MTMR10: variants seen among roughly 807,000 people sequenced by gnomAD.
The protein encoded by MTMR10 is myotubularin-related protein 10.
MTMR10 carries 56 observed loss-of-function variants against 88.1 expected under a neutral mutation model. That is an observed-to-expected ratio of 0.64 (90% CI 0.51 to 0.79). The LOEUF is 0.79. Among genes scored for constraint, MTMR10 ranks in the 30% least tolerant of loss-of-function variants. The pLI is 0.00. For synonymous variants in MTMR10, 380 were observed against 340.9 expected (o/e 1.11, Z -1.26); for missense variants, 883 against 924.7 (o/e 0.95, Z 0.58).
the MTMR10 span, chr15:30,927,164 G>T: frequency 1.1e-6 from 1 of 946,822 alleles, no homozygotes; most frequent in Non-Finnish European, 1.3e-6. Context: ...AGCCAAGATT[G>T]TGCCACTGCA....
chr15:30,943,610 C>T (rs1244201415), intron 14 of MTMR10: 12 of 985,306 alleles, frequency 1.2e-5, no homozygotes, highest in African/African-American at 1.7e-5. Flanking sequence ...GATCAACTCC[C>T]TGTGGTCCTA....
Position 30,941,706 on chromosome 15 carries a change from G to A in MTMR10, c.2098C>T (p.Arg700Cys), listed in dbSNP as rs370090920. 80 of 1,613,732 alleles carry A rather than the reference G, an allele frequency of 5.0e-5. No homozygotes were observed. The highest frequency in any genetic ancestry group is 1.5e-4 in the Admixed American group (9 of 59,972). Residue 700 changes from arginine to cysteine, a missense_variant, in exon 16 of 16, where the codon CGC (arginine) becomes TGC (cysteine). Coordinates refer to ENST00000435680, the MANE Select transcript of MTMR10 (RefSeq NM_017762.3). ...TAGCAGGCCTCCAGGGGGCCACTGC[G>A]CTGTTGCCGCAGCATCCTGCTCAGT... ...DVLSRMLRQQ[R>C]SGPLEACYGE... is the part of the protein sequence containing the mutation.
chr15:30,955,981 C>A (rs950764), intron 9 of MTMR10, among the ~76,000 whole-genome samples: 80,141 of 121,752 alleles, frequency 0.66, 22,246 homozygotes, highest in East Asian at 0.89. Flanking sequence ...TTTAAAAAAA[C>A]AAAACAAAAC....
intron 5 of MTMR10, 136 bp downstream of exon 5, chr15:30,974,178 G>A: frequency 1.2e-6 from 1 of 842,756 alleles, no homozygotes; most frequent in Non-Finnish European, 1.6e-6. Context: ...TCTTGGCTTT[G>A]ACTTTACTTA....
rs969089990 is a variant in MTMR10 at position 30,970,889 on chromosome 15, C to T, written c.475-2879G>A. 5.3e-5 allele frequency among the ~76,000 whole-genome samples: 8 copies of T among 152,136 alleles called. No individual in the cohort carries two copies. The East Asian group carries it at 1.3e-3, about 26-fold the overall frequency. On this transcript the variant is annotated intron_variant, in intron 5 of 15. Coordinates refer to ENST00000435680, the MANE Select transcript of MTMR10 (RefSeq NM_017762.3). The stretch of plus-strand genomic sequence containing the variant: ...GTAAAACTGCAAGTCAGTTGAATTA[C>T]TCGTTGATTTTTTTGGGGTGGCAGA...
intron 5 of MTMR10, 122 bp downstream of exon 5, chr15:30,974,192 A>T: frequency 2.1e-6 from 2 of 940,116 alleles, no homozygotes; most frequent in Non-Finnish European, 1.4e-6. Flanking sequence ...TTACTTAAGA[A>T]GATGTCTGAT....
chr15:30,925,237 G>A, the MTMR10 span: 3 of 1,614,130 alleles, frequency 1.9e-6, no homozygotes, highest in Non-Finnish European at 2.5e-6. Context: ...GCTGTAAAAA[G>A]TTCAAGCACC....
chr15:30,991,534 C>A lies in MTMR10; in HGVS notation c.-28G>T, dbSNP rs1372584585. 2.0e-6 allele frequency: 3 copies of A among 1,534,926 alleles called. No homozygotes were observed. Among genetic ancestry groups the A allele is most frequent in the Admixed American group, 2.3e-5 (1 of 43,556 alleles). On this transcript the variant is annotated 5_prime_UTR_variant, in exon 1 of 16. Transcript: ENST00000435680. ...TGCCGCCGCCTTTTCGCCCCGTTCC[C>A]GTCGCGGGCCAGTGGCAGCGCCGAC...
At chr15:30,944,905 A>G (rs377705008) in intron 14 of MTMR10, among the ~76,000 whole-genome samples, 1 of 151,554 alleles carries the variant, frequency 6.6e-6, no homozygotes, top group Non-Finnish European at 1.5e-5. Context: ...CTAGCTACTC[A>G]GGTGGTTGAG....
At position 30,947,119 on chromosome 15, in the gene MTMR10, G is replaced by C. The variant is rs2063182421; in HGVS notation, c.1548+11C>G. On this transcript the variant is annotated intron_variant, in intron 14 of 15. Transcript: ENST00000435680. ...CAGGGAAAACGTAGCCACAGCCACA[G>C]GGTTGCTTACCGTGCTTTGCTTCAC... 3 of 1,590,758 alleles carry C rather than the reference G, an allele frequency of 1.9e-6. No homozygotes were observed. The highest frequency in any genetic ancestry group is 4.5e-5 in the East Asian group (2 of 44,446).
chr15:30,974,294 A>G lies in MTMR10; in HGVS notation c.474+20T>C. 3 of 1,555,066 alleles carry G rather than the reference A, an allele frequency of 1.9e-6. No individual in the cohort carries two copies. Among genetic ancestry groups the G allele is most frequent in the Non-Finnish European group, 2.6e-6 (3 of 1,148,332 alleles). On this transcript the variant is annotated intron_variant, in intron 5 of 15. Coordinates refer to ENST00000435680, the MANE Select transcript of MTMR10 (RefSeq NM_017762.3). ...AACACAGTACAGAACCCAGAACTTG[A>G]TAAACCTTAACAGTATTACCTTTTT...
At chr15:30,920,209 CTTTA>C in the MTMR10 span, among the ~76,000 whole-genome samples, 734 of 152,322 alleles carry the variant, frequency 4.8e-3, 7 homozygotes, top group African/African-American at 0.017. Flanking sequence ...GTATTATTCT[CTTTA>C]TTTATTAACA....
chr15:30,955,991 C>A, intron 9 of MTMR10, among the ~76,000 whole-genome samples: 1 of 98,508 alleles, frequency 1.0e-5, no homozygotes. Context: ...CAAAACAAAA[C>A]CCTGCTGTTG....
At chr15:30,957,036 G>A (rs1163843669) in intron 9 of MTMR10, among the ~76,000 whole-genome samples, 1 of 152,136 alleles carries the variant, frequency 6.6e-6, no homozygotes, top group Non-Finnish European at 1.5e-5. Context: ...ATTTGCTTCA[G>A]TGAATATGGC....
At chr15:30,955,274 CTTCT>C (rs373882322) in intron 9 of MTMR10, among the ~76,000 whole-genome samples, 73 of 152,274 alleles carry the variant, frequency 4.8e-4, no homozygotes, top group African/African-American at 1.7e-3. Context: ...AGATCATTTC[CTTCT>C]TTTTCTTTTT....
chr15:30,921,891 G>A, the MTMR10 span, among the ~76,000 whole-genome samples: 1 of 152,296 alleles, frequency 6.6e-6, no homozygotes, highest in East Asian at 1.9e-4. Flanking sequence ...AAGTATGTGG[G>A]TTTGCCAACT....
chr15:30,930,762 G>A, the MTMR10 span: 1 of 1,492,926 alleles, frequency 6.7e-7, no homozygotes, highest in African/African-American at 1.4e-5. Context: ...GTGGCTGTTG[G>A]CAAGATTGAA....
intron 14 of MTMR10, chr15:30,946,286 TCA>T (rs1595910387): frequency 6.4e-6 from 1 of 156,178 alleles, no homozygotes; most frequent in Non-Finnish European, 1.4e-5. Context: ...GCATAATGAT[TCA>T]CAGTTTACAA....
At chr15:30,926,509 G>C in the MTMR10 span, 2 of 404,620 alleles carry the variant, frequency 4.9e-6, no homozygotes, top group Non-Finnish European at 6.7e-6. Flanking sequence ...AGATTAACAA[G>C]TACTATAGAA....
Sources: gnomAD v4.1 joint callset for allele counts (sites outside exome capture counted in the v4.1 genomes callset) on GRCh38, gnomAD v4.1.1 for gene constraint, MANE v1.5 for transcripts, NCBI Gene and HGNC (gene_info 2026-07-23, HGNC 2026-07-21) for gene names.